PTPN13: variants seen among roughly 807,000 people sequenced by gnomAD.
PTPN13 encodes tyrosine-protein phosphatase non-receptor type 13.
Under a neutral mutation model 284.0 loss-of-function variants are expected in PTPN13, and 191 were observed. The observed-to-expected ratio is 0.67, with a 90% CI of 0.60 to 0.76. PTPN13 has a LOEUF of 0.76. PTPN13 is among the 30% of genes least tolerant of loss of function. The pLI, the probability that PTPN13 is intolerant of heterozygous loss-of-function variation, is 0.00. For missense variants in PTPN13, 2,797 were observed against 2,939.9 expected (o/e 0.95, Z 1.12); for synonymous variants, 986 against 1,022.3 (o/e 0.96, Z 0.68).
At chr4:86,747,000 A>G (rs1032355012) in intron 17 of PTPN13, among the ~76,000 whole-genome samples, 3 of 152,232 alleles carry the variant, frequency 2.0e-5, no homozygotes, top group Non-Finnish European at 4.4e-5. Flanking sequence ...TATATTTTCA[A>G]AGTATAGTGA....
At chr4:86,751,283 C>CT (rs1367419876) in intron 19 of PTPN13, among the ~76,000 whole-genome samples, 159 bp downstream of exon 19, 1 of 152,098 alleles carries the variant, frequency 6.6e-6, no homozygotes, top group Non-Finnish European at 1.5e-5. Flanking sequence ...ATCAAATTAC[C>CT]ACTTGATTTA....
At chr4:86,673,349 G>C (rs1344557719) in intron 3 of PTPN13, among the ~76,000 whole-genome samples, 1 of 152,184 alleles carries the variant, frequency 6.6e-6, no homozygotes, top group Non-Finnish European at 1.5e-5. Context: ...TATGAAGAAT[G>C]AATAGACTTC....
intron 35 of PTPN13, among the ~76,000 whole-genome samples, chr4:86,776,348 G>A (rs192555534): frequency 2.6e-5 from 4 of 152,250 alleles, no homozygotes; most frequent in Admixed American, 2.6e-4. Context: ...GCTATTTTTA[G>A]TTATTTCCTC....
intron 15 of PTPN13, among the ~76,000 whole-genome samples, chr4:86,741,368 A>C (rs1325208753): frequency 6.6e-6 from 1 of 152,198 alleles, no homozygotes; most frequent in Non-Finnish European, 1.5e-5. Context: ...TCTCACATGG[A>C]GGCAGACAAG....
intron 1 of PTPN13, among the ~76,000 whole-genome samples, chr4:86,617,263 A>G (rs112648586): frequency 0.046 from 7,055 of 152,286 alleles, 221 homozygotes; most frequent in African/African-American, 0.06. Context: ...TAAAAATTCA[A>G]TTCGTCTGTT....
At chr4:86,727,685 C>G (rs781039159) in intron 10 of PTPN13, among the ~76,000 whole-genome samples, 1 of 149,118 alleles carries the variant, frequency 6.7e-6, no homozygotes, top group Non-Finnish European at 1.5e-5. Context: ...TTTATTGTGT[C>G]TATTTGATTC....
At chr4:86,777,059 A>G (rs1464713281) in intron 35 of PTPN13, among the ~76,000 whole-genome samples, 1 of 152,248 alleles carries the variant, frequency 6.6e-6, no homozygotes, top group African/African-American at 2.4e-5. Context: ...ACATGCTAAT[A>G]GCAACTTTTC....
At chr4:86,599,900 C>T (rs546223174) in intron 1 of PTPN13, among the ~76,000 whole-genome samples, 2 of 152,176 alleles carry the variant, frequency 1.3e-5, no homozygotes, top group Non-Finnish European at 2.9e-5. Context: ...GGCTTAATTG[C>T]CCTTGTGTAC....
intron 1 of PTPN13, among the ~76,000 whole-genome samples, chr4:86,617,748 G>T (rs892506430): frequency 6.6e-6 from 1 of 151,994 alleles, no homozygotes; most frequent in South Asian, 2.1e-4. Flanking sequence ...AGTGTCTGTT[G>T]ATATCCTTCA....
intron 2 of PTPN13, among the ~76,000 whole-genome samples, chr4:86,663,320 G>T (rs1367594993): frequency 6.6e-6 from 1 of 152,226 alleles, no homozygotes; most frequent in African/African-American, 2.4e-5. Context: ...CCATGGGGGG[G>T]TTTGCACTGT....
chr4:86,700,282 C>T (rs999112525), intron 6 of PTPN13, among the ~76,000 whole-genome samples: 20 of 152,168 alleles, frequency 1.3e-4, no homozygotes, highest in Middle Eastern at 6.8e-3. Flanking sequence ...GATATCACAG[C>T]GATCACAGAA....
At chr4:86,635,422 C>T in intron 2 of PTPN13, 51 bp downstream of exon 2, 1 of 1,547,558 alleles carries the variant, frequency 6.5e-7, no homozygotes, top group Non-Finnish European at 8.7e-7. Context: ...GTATTGGGTA[C>T]TTAAAAAACA....
intron 2 of PTPN13, among the ~76,000 whole-genome samples, chr4:86,644,196 G>A (rs760849121): frequency 1.3e-5 from 2 of 151,784 alleles, no homozygotes; most frequent in Non-Finnish European, 2.9e-5. Context: ...GTGCAGTGGC[G>A]TGATCTTGGC....
intron 1 of PTPN13, among the ~76,000 whole-genome samples, chr4:86,621,674 T>G (rs1243446829): frequency 6.6e-6 from 1 of 152,188 alleles, no homozygotes; most frequent in Non-Finnish European, 1.5e-5. Flanking sequence ...CTGGGGATGT[T>G]TCAGAATATA....
rs1372896257 is a variant in PTPN13 at position 86,701,437 on chromosome 4, CA to C, written c.835del (p.Thr279LeufsTer51). The C allele has an allele frequency of 1.2e-6, 2 of 1,613,686 alleles. No homozygotes were observed. The highest frequency in any genetic ancestry group is 4.5e-5 in the East Asian group (2 of 44,886). On this transcript the variant is annotated frameshift_variant, in exon 7 of 48. Transcript: ENST00000411767. LOFTEE classifies it high-confidence loss of function. ...AAAATACATTCTCCCCTTACCAGTT[CA>C]AAACTAGTGGCCCAGAAAAAAAACC... ...SENTFSPYQF[K>X]TSGPEKKPIP...
At position 86,750,820 on chromosome 4, in the gene PTPN13, G is replaced by A. The variant is rs1376034552; in HGVS notation, c.3001G>A (p.Gly1001Arg). 1.2e-6 allele frequency: 2 copies of A among 1,613,590 alleles called. No individual in the cohort carries two copies. Among genetic ancestry groups the A allele is most frequent in the Non-Finnish European group, 1.7e-6 (2 of 1,179,814 alleles). ...ACCACAAACCGTTGCAGAGTTGGTGGGAAAACCTTCTCACCAGATGTCAAG... is the reference window on the plus strand; with the variant it reads ...ACCACAAACCGTTGCAGAGTTGGTGAGAAAACCTTCTCACCAGATGTCAAG... ...PPPQTVAELV[G>R]KPSHQMSRSD... Residue 1001 changes from glycine (G) to arginine (R), a missense_variant, in exon 18 of 48, where the codon GGA becomes AGA. Coordinates refer to ENST00000411767, the MANE Select transcript of PTPN13 (RefSeq NM_080683.3).
In PTPN13 at chr4:86,796,400, T is replaced by A. The variant is rs1408294026; in HGVS notation, c.6346-474T>A. Among the ~76,000 whole-genome samples, 3 of 152,112 alleles carry A rather than the reference T, an allele frequency of 2.0e-5. No homozygotes were observed. The South Asian group carries it at 6.2e-4, about 31-fold the overall frequency. Reference sequence around the variant, plus strand: ...CTGTAATCCCAACACTTTGGGAGGCTGAGGCAGGAGAGTAGCTCAAGGCTA... The same window carrying A: ...CTGTAATCCCAACACTTTGGGAGGCAGAGGCAGGAGAGTAGCTCAAGGCTA... On this transcript the variant is annotated intron_variant, in intron 40 of 47. Coordinates refer to ENST00000411767, the MANE Select transcript of PTPN13 (RefSeq NM_080683.3).
At chr4:86,754,516 C>G (rs143341557) in intron 20 of PTPN13, among the ~76,000 whole-genome samples, 11 of 151,998 alleles carry the variant, frequency 7.2e-5, no homozygotes, top group African/African-American at 2.4e-4. Flanking sequence ...CGTAAGAAAC[C>G]AAAGCATAGA....
intron 2 of PTPN13, among the ~76,000 whole-genome samples, chr4:86,635,651 A>T (rs759667609): frequency 6.6e-6 from 1 of 152,154 alleles, no homozygotes; most frequent in South Asian, 2.1e-4. Context: ...TCACAGTTCA[A>T]TGTGGAAAAT....
Sources: gnomAD v4.1 joint callset for allele counts (sites outside exome capture counted in the v4.1 genomes callset) on GRCh38, gnomAD v4.1.1 for gene constraint, MANE v1.5 for transcripts, NCBI Gene and HGNC (gene_info 2026-07-23, HGNC 2026-07-21) for gene names.